CEP112: variants seen among roughly 807,000 people sequenced by gnomAD.
CEP112 encodes the protein centrosomal protein 112.
Under a neutral mutation model 153.0 loss-of-function variants are expected in CEP112, and 127 were observed. The ratio of observed to expected loss-of-function variants is 0.83; its 90% CI spans 0.72 to 0.96. The LOEUF is 0.96. CEP112 is among the 40% of genes least tolerant of loss of function. CEP112 has a pLI of 0.00. For missense variants in CEP112, 1,089 were observed against 1,101.2 expected, an observed-to-expected ratio of 0.99 and a Z score of 0.16; for synonymous variants, 358 against 374.4, an observed-to-expected ratio of 0.96 and a Z score of 0.51.
chr17:66,183,307 T>C lies in CEP112; in HGVS notation c.-8A>G, dbSNP rs2072793626. 1 of 1,580,888 alleles carries C rather than the reference T, an allele frequency of 6.3e-7. No homozygotes were observed. The highest frequency in any genetic ancestry group is 8.6e-7 in the Non-Finnish European group (1 of 1,156,286). On this transcript the variant is annotated splice_region_variant and 5_prime_UTR_variant, in exon 2 of 27. Transcript: ENST00000535342. ...TTCACTTCCCACTTCCATAATCCAA[T>C]CTGTAAAAGATTTTAAATCAAAATA...
At chr17:66,089,539 A>C (rs1417468711) in intron 8 of CEP112, among the ~76,000 whole-genome samples, 1 of 152,184 alleles carries the variant, frequency 6.6e-6, no homozygotes, top group Middle Eastern at 3.2e-3. Context: ...GAATGAAAAG[A>C]AAAATATAAC....
At chr17:66,085,640 T>C (rs1358990851) in intron 8 of CEP112, among the ~76,000 whole-genome samples, 1 of 152,210 alleles carries the variant, frequency 6.6e-6, no homozygotes, top group Non-Finnish European at 1.5e-5. Context: ...TGGGGTGATA[T>C]TTCTGATATG....
At chr17:65,837,678 T>G (rs1433745717) in intron 21 of CEP112, among the ~76,000 whole-genome samples, 1 of 152,192 alleles carries the variant, frequency 6.6e-6, no homozygotes, top group Non-Finnish European at 1.5e-5. Context: ...GAAAGACAGA[T>G]CAGATTGTTA....
At chr17:66,071,559 C>T (rs770001896) in intron 8 of CEP112, among the ~76,000 whole-genome samples, 1 of 152,088 alleles carries the variant, frequency 6.6e-6, no homozygotes, top group African/African-American at 2.4e-5. Context: ...GAGTGTGCTA[C>T]CATAACCCCA....
At chr17:65,752,041 TCCA>T (rs34133097) in intron 21 of CEP112, among the ~76,000 whole-genome samples, 80,018 of 151,674 alleles carry the variant, frequency 0.53, 21,747 homozygotes, top group East Asian at 0.78. Context: ...CATCCATCCA[TCCA>T]TCCATCCATC....
At chr17:65,969,438 T>C (rs2062550539) in intron 17 of CEP112, among the ~76,000 whole-genome samples, 2 of 152,198 alleles carry the variant, frequency 1.3e-5, no homozygotes, top group South Asian at 4.1e-4. Context: ...GTACATTACA[T>C]GCATACACAT....
intron 18 of CEP112, among the ~76,000 whole-genome samples, chr17:65,930,622 G>A (rs1175448924): frequency 6.6e-6 from 1 of 152,188 alleles, no homozygotes; most frequent in Non-Finnish European, 1.5e-5. Flanking sequence ...ATAAATTTAA[G>A]GAATGATTAA....
chr17:65,893,550 T>G (rs1159430275), intron 20 of CEP112, among the ~76,000 whole-genome samples: 6 of 152,164 alleles, frequency 3.9e-5, no homozygotes, highest in Non-Finnish European at 7.4e-5. Context: ...TTTTAATATT[T>G]GTTTCAACTA....
At chr17:65,782,974 G>GA (rs890644675) in intron 21 of CEP112, among the ~76,000 whole-genome samples, 24 of 142,800 alleles carry the variant, frequency 1.7e-4, no homozygotes, top group South Asian at 4.4e-4. Context: ...AATAAAAGTT[G>GA]AAAAAAAAAT....
At position 65,849,448 on chromosome 17, in the gene CEP112, C is replaced by T. The variant is rs138909309; in HGVS notation, c.2394+2356G>A. On this transcript the variant is annotated intron_variant, in intron 21 of 26. Coordinates refer to ENST00000535342, the MANE Select transcript of CEP112 (RefSeq NM_001199165.4). ...CCTGTTTTTTATATACCCACAGTGC[C>T]TGGGATAATGCCTTTCTGGAATATA... Among the ~76,000 whole-genome samples, 1,193 of 152,258 alleles carry T rather than the reference C, an allele frequency of 7.8e-3. 8 individuals are homozygous for T. The highest frequency in any genetic ancestry group is 0.014 in the Non-Finnish European group (940 of 68,020).
chr17:66,130,074 G>A (rs182164056), intron 5 of CEP112, among the ~76,000 whole-genome samples: 40 of 152,222 alleles, frequency 2.6e-4, no homozygotes, highest in African/African-American at 7.0e-4. Context: ...GTCATTCAGC[G>A]CAATGAGAGT....
At chr17:65,826,379 C>T in intron 21 of CEP112, 1 of 1,591,530 alleles carries the variant, frequency 6.3e-7, no homozygotes, top group Non-Finnish European at 8.5e-7. Context: ...GAACTTCTAA[C>T]AAGAAGCCAG....
chr17:65,995,461 T>C (rs2145310770), intron 17 of CEP112, among the ~76,000 whole-genome samples: 1 of 152,204 alleles, frequency 6.6e-6, no homozygotes, highest in South Asian at 2.1e-4. Flanking sequence ...TGGCTGAGGT[T>C]CAAGTATAGT....
chr17:65,716,759 G>A (rs1598387258), intron 23 of CEP112, among the ~76,000 whole-genome samples: 1 of 152,048 alleles, frequency 6.6e-6, no homozygotes, highest in South Asian at 2.1e-4. Flanking sequence ...AAAATGTGGG[G>A]ATAATAATGA....
chr17:65,787,146 A>G (rs2054323077), intron 21 of CEP112, among the ~76,000 whole-genome samples: 1 of 152,196 alleles, frequency 6.6e-6, no homozygotes, highest in African/African-American at 2.4e-5. Context: ...TAGGAGGGAA[A>G]TACTTTTGAC....
chr17:66,125,098 T>C (rs2069780297), intron 6 of CEP112, among the ~76,000 whole-genome samples: 1 of 152,176 alleles, frequency 6.6e-6, no homozygotes. Context: ...TGCTGATATT[T>C]TACCATGTGG....
chr17:66,037,492 G>C (rs2065785919), intron 12 of CEP112, among the ~76,000 whole-genome samples: 1 of 152,042 alleles, frequency 6.6e-6, no homozygotes, highest in South Asian at 2.1e-4. Context: ...ATAATGCTAA[G>C]TAATGATTAA....
Position 66,083,387 on chromosome 17 carries a change from C to G in CEP112, c.768+12864G>C, listed in dbSNP as rs556296008. On this transcript the variant is annotated intron_variant, in intron 8 of 26. Transcript: ENST00000535342. ...AAACCTCTTTTTCGTTATAAATTAC[C>G]CAGTCTTGGGTATGTCTTTATTAGC... is the stretch of plus-strand genomic sequence containing the variant. Among the ~76,000 whole-genome samples the G allele has an allele frequency of 2.6e-5, 4 of 152,174 alleles. No individual in the cohort carries two copies. In the East Asian group the frequency reaches 7.7e-4, roughly 29 times the overall value.
At chr17:65,706,740 C>T (rs915926635) in intron 23 of CEP112, among the ~76,000 whole-genome samples, 1 of 152,214 alleles carries the variant, frequency 6.6e-6, no homozygotes, top group African/African-American at 2.4e-5. Flanking sequence ...TGCCATCTAA[C>T]CATTTACCGG....
Sources: gnomAD v4.1 joint callset for allele counts (sites outside exome capture counted in the v4.1 genomes callset) on GRCh38, gnomAD v4.1.1 for gene constraint, MANE v1.5 for transcripts, NCBI Gene and HGNC (gene_info 2026-07-23, HGNC 2026-07-21) for gene names.